The following GRM1 variants were observed in gnomAD, a reference collection of about 807,000 sequenced individuals.
GRM1 encodes metabotropic glutamate receptor 1.
Under a neutral mutation model 90.9 loss-of-function variants are expected in GRM1, and 33 were observed. The ratio of observed to expected loss-of-function variants is 0.36; its 90% CI spans 0.28 to 0.49. The LOEUF (loss-of-function observed/expected upper bound fraction) is 0.49. Among genes scored for constraint, GRM1 ranks in the 20% least tolerant of loss-of-function variants. GRM1 has a pLI of 0.99. For missense variants in GRM1, 1,190 were observed against 1,534.3 expected (o/e 0.78, Z 3.75); for synonymous variants, 700 against 613.2 (o/e 1.14, Z -2.09).
chr6:146,354,130 A>G (rs1785502611), intron 4 of GRM1, among the ~76,000 whole-genome samples: 1 of 152,192 alleles, frequency 6.6e-6, no homozygotes, highest in Non-Finnish European at 1.5e-5. Context: ...AATTAAAATG[A>G]TCAATTTATC....
chr6:146,167,993 A>T, intron 2 of GRM1, among the ~76,000 whole-genome samples: 1 of 151,996 alleles, frequency 6.6e-6, no homozygotes, highest in East Asian at 1.9e-4. Flanking sequence ...AAAGTTTTAT[A>T]TTTTTTGCCC....
chr6:146,179,290 A>ACTTC (rs1778453717), intron 2 of GRM1, among the ~76,000 whole-genome samples: 1 of 152,122 alleles, frequency 6.6e-6, no homozygotes, highest in Non-Finnish European at 1.5e-5. Context: ...ATAAAGTTTT[A>ACTTC]CTTCATCTTG....
chr6:146,248,483 T>A (rs964261917), intron 2 of GRM1, among the ~76,000 whole-genome samples: 2 of 152,158 alleles, frequency 1.3e-5, no homozygotes, highest in Admixed American at 6.5e-5. Context: ...TGTCTGGCAC[T>A]CCTTGCCCCA....
At chr6:146,362,475 C>T (rs895030455) in intron 5 of GRM1, among the ~76,000 whole-genome samples, 2 of 151,758 alleles carry the variant, frequency 1.3e-5, no homozygotes, top group African/African-American at 2.4e-5. Context: ...GTCAGGAGAT[C>T]GAGACAATCC....
chr6:146,119,593 A>C (rs1222507586), intron 1 of GRM1, among the ~76,000 whole-genome samples: 1 of 152,176 alleles, frequency 6.6e-6, no homozygotes, highest in Admixed American at 6.5e-5. Context: ...TTAAATCTTT[A>C]ATCCATCTTG....
intron 2 of GRM1, among the ~76,000 whole-genome samples, chr6:146,237,547 T>TAC (rs1780697995): frequency 6.6e-6 from 1 of 152,158 alleles, no homozygotes; most frequent in African/African-American, 2.4e-5. Flanking sequence ...AATAATTGTT[T>TAC]AACAAATAAG....
intron 1 of GRM1, among the ~76,000 whole-genome samples, chr6:146,051,725 T>G (rs1016765361): frequency 6.6e-6 from 1 of 152,114 alleles, no homozygotes; most frequent in Non-Finnish European, 1.5e-5. Flanking sequence ...TATTCCTATT[T>G]CATAATTGTT....
chr6:146,232,016 A>C (rs1780466869), intron 2 of GRM1, among the ~76,000 whole-genome samples: 1 of 152,134 alleles, frequency 6.6e-6, no homozygotes, highest in African/African-American at 2.4e-5. Context: ...AATGTTTGGT[A>C]AAAGTCACTG....
At chr6:146,032,833 A>T (rs1790755526) in intron 1 of GRM1, among the ~76,000 whole-genome samples, 1 of 152,206 alleles carries the variant, frequency 6.6e-6, no homozygotes. Flanking sequence ...TGACTGGACT[A>T]GTGTACCTTC....
At chr6:146,120,731 G>T (rs1394880331) in intron 1 of GRM1, among the ~76,000 whole-genome samples, 1 of 152,144 alleles carries the variant, frequency 6.6e-6, no homozygotes, top group African/African-American at 2.4e-5. Flanking sequence ...TTTATATGCT[G>T]GATTACATTT....
intron 1 of GRM1, among the ~76,000 whole-genome samples, chr6:146,071,066 C>T (rs1776003430): frequency 6.6e-6 from 1 of 152,118 alleles, no homozygotes; most frequent in Non-Finnish European, 1.5e-5. Flanking sequence ...GCGAGTCATT[C>T]TGTTTGATCA....
At chr6:146,395,718 TTCTA>T (rs1342424202) in intron 6 of GRM1, among the ~76,000 whole-genome samples, 1 of 152,184 alleles carries the variant, frequency 6.6e-6, no homozygotes, top group African/African-American at 2.4e-5. Context: ...TTAATTCAAC[TTCTA>T]TAGATCTGAC....
intron 1 of GRM1, among the ~76,000 whole-genome samples, chr6:146,119,269 C>A (rs1209805862): frequency 6.6e-6 from 1 of 152,148 alleles, no homozygotes; most frequent in African/African-American, 2.4e-5. Flanking sequence ...ATATCCTTTG[C>A]CCACTTTTTG....
At chr6:146,387,277 T>C (rs1258173095) in intron 6 of GRM1, among the ~76,000 whole-genome samples, 1 of 152,098 alleles carries the variant, frequency 6.6e-6, no homozygotes, top group African/African-American at 2.4e-5. Context: ...CTGTTTTTCT[T>C]TAAATTGTAT....
intron 1 of GRM1, among the ~76,000 whole-genome samples, chr6:146,094,836 A>G (rs944613825): frequency 2.6e-5 from 4 of 152,096 alleles, no homozygotes; most frequent in Admixed American, 2.6e-4. Context: ...TAGTTTAAAG[A>G]GGGAGACCAG....
At chr6:146,407,750 C>A (rs900765187) in intron 7 of GRM1, among the ~76,000 whole-genome samples, 1 of 152,102 alleles carries the variant, frequency 6.6e-6, no homozygotes, top group Admixed American at 6.6e-5. Flanking sequence ...ATAAAAATCA[C>A]TTATTTTTAT....
At chr6:146,054,155 G>A (rs1457558165) in intron 1 of GRM1, among the ~76,000 whole-genome samples, 1 of 151,980 alleles carries the variant, frequency 6.6e-6, no homozygotes, top group East Asian at 1.9e-4. Flanking sequence ...GATTTGTTGG[G>A]CTGTCAGCAA....
intron 1 of GRM1, among the ~76,000 whole-genome samples, chr6:146,150,660 A>G (rs1047085517): frequency 6.6e-6 from 1 of 152,084 alleles, no homozygotes; most frequent in Non-Finnish European, 1.5e-5. Context: ...TATTCATTTT[A>G]TCTAGCTGTA....
chr6:146,338,138 A>C (rs1784841552), intron 3 of GRM1, among the ~76,000 whole-genome samples: 1 of 152,254 alleles, frequency 6.6e-6, no homozygotes, highest in South Asian at 2.1e-4. Flanking sequence ...AGGAAAAATA[A>C]AAACTTCCTA....
Sources: gnomAD v4.1 joint callset for allele counts (sites outside exome capture counted in the v4.1 genomes callset) on GRCh38, gnomAD v4.1.1 for gene constraint, MANE v1.5 for transcripts, NCBI Gene and HGNC (gene_info 2026-07-23, HGNC 2026-07-21) for gene names.